IGSF21: variants seen among roughly 807,000 people sequenced by gnomAD.
The protein encoded by IGSF21 is immunoglobulin superfamily member 21.
Under a neutral mutation model 46.8 loss-of-function variants are expected in IGSF21, and 28 were observed. The ratio of observed to expected loss-of-function variants is 0.60; its 90% CI spans 0.44 to 0.82. The LOEUF (loss-of-function observed/expected upper bound fraction) is 0.82. Ranked by LOEUF, IGSF21 falls within the 40% of genes least tolerant of loss-of-function variation. The pLI is 0.00. For missense variants in IGSF21, 624 were observed against 665.5 expected (o/e 0.94, Z 0.69); for synonymous variants, 284 against 273.6 (o/e 1.04, Z -0.38).
intron 1 of IGSF21, among the ~76,000 whole-genome samples, chr1:18,160,970 G>A (rs1004870632): frequency 6.6e-6 from 1 of 152,108 alleles, no homozygotes; most frequent in African/African-American, 2.4e-5. Context: ...CCTGCATCCT[G>A]GAAGACACTG....
At chr1:18,270,334 G>A (rs569934182) in intron 2 of IGSF21, among the ~76,000 whole-genome samples, 113 of 152,260 alleles carry the variant, frequency 7.4e-4, no homozygotes, top group Admixed American at 1.1e-3. Flanking sequence ...TAATGGTTTC[G>A]TTCCCAAGCC....
At chr1:18,211,114 C>T (rs1057471194) in intron 1 of IGSF21, among the ~76,000 whole-genome samples, 6 of 152,276 alleles carry the variant, frequency 3.9e-5, no homozygotes, top group East Asian at 1.9e-4. Flanking sequence ...TCAAGTGATC[C>T]GCCCTCCTTG....
At chr1:18,122,825 C>T (rs1182828947) in intron 1 of IGSF21, among the ~76,000 whole-genome samples, 2 of 151,956 alleles carry the variant, frequency 1.3e-5, no homozygotes, top group African/African-American at 4.8e-5. Flanking sequence ...TGGGGTTTCA[C>T]CATGTTGCCT....
intron 2 of IGSF21, among the ~76,000 whole-genome samples, chr1:18,247,087 G>A (rs1161499324): frequency 1.5e-5 from 2 of 131,636 alleles, no homozygotes; most frequent in African/African-American, 5.9e-5. Flanking sequence ...GTCTTGCTCT[G>A]TCGCCCAGGC....
Position 18,273,447 on chromosome 1 carries a change from T to TC in IGSF21, c.184-18419_184-18418insC, listed in dbSNP as rs1319865362. On this transcript the variant is annotated intron_variant, in intron 2 of 9. Coordinates refer to ENST00000251296, the MANE Select transcript of IGSF21 (RefSeq NM_032880.5). ...TTCCTTTCCTTTCTTTCTTTCTCAC[T>TC]TTCTTTCTTTCTCTCTCTTTCTTTC... is the stretch of plus-strand genomic sequence containing the variant. 3.7e-4 allele frequency among the ~76,000 whole-genome samples: 37 copies of TC among 101,068 alleles called. 1 individual carries two copies. Among genetic ancestry groups the TC allele is most frequent in the Middle Eastern group, 4.5e-3 (1 of 224 alleles). The allele number at this position is 101,068 out of a possible 152,430, so 66.3% of individuals were successfully genotyped here. A position where few individuals can be genotyped will look rare whatever the true frequency, so the allele number is the denominator to read the frequency against.
rs12072354 is a variant in IGSF21, at chr1:18,124,338, C to T, written c.70+16140C>T. On this transcript the variant is annotated intron_variant, in intron 1 of 9. Coordinates refer to ENST00000251296, the MANE Select transcript of IGSF21 (RefSeq NM_032880.5). ...ACCTCACTCCTAAAATCTTTGCAAC[C>T]GCTCAGGAGGTGCATGCCACTAGTA... Among the ~76,000 whole-genome samples the T allele has an allele frequency of 4.0e-3, 615 of 152,314 alleles. 2 individuals carry two copies. Among genetic ancestry groups the T allele is most frequent in the African/African-American group, 0.014 (589 of 41,566 alleles).
Position 18,305,525 on chromosome 1 carries a change from GATTATGA to G in IGSF21, c.305+13541_305+13547del, listed in dbSNP as rs760525951. Among the ~76,000 whole-genome samples, 41 of 132,242 alleles carry G rather than the reference GATTATGA, an allele frequency of 3.1e-4. 1 individual carries two copies. Among genetic ancestry groups the G allele is most frequent in the East Asian group, 5.6e-4 (2 of 3,586 alleles). 86.8% of individuals were successfully genotyped at this position (132,242 alleles called of 152,430 possible). ...GGATGGATGGATGAATGGATGGATG[GATTATGA>G]ATGGATGGATGGATGATGGATGGAT... On this transcript the variant is annotated intron_variant, in intron 3 of 9. Coordinates refer to ENST00000251296, the MANE Select transcript of IGSF21 (RefSeq NM_032880.5).
chr1:18,141,653 C>T (rs367708457), intron 1 of IGSF21, among the ~76,000 whole-genome samples: 2 of 152,266 alleles, frequency 1.3e-5, no homozygotes, highest in African/African-American at 4.8e-5. Flanking sequence ...TTAGGCAAGT[C>T]GCTTTACCTC....
intron 1 of IGSF21, among the ~76,000 whole-genome samples, chr1:18,143,203 A>G (rs1409173063): frequency 2.0e-5 from 3 of 152,206 alleles, no homozygotes; most frequent in Non-Finnish European, 4.4e-5. Context: ...CTTGGAGTGC[A>G]GCCGTGATTT....
chr1:18,373,230 G>A (rs1199984391), intron 6 of IGSF21, among the ~76,000 whole-genome samples: 1 of 152,136 alleles, frequency 6.6e-6, no homozygotes, highest in Non-Finnish European at 1.5e-5. Flanking sequence ...GAAAGTAGAG[G>A]GCTAGGTGTC....
chr1:18,319,046 C>T (rs1383150946), intron 3 of IGSF21, among the ~76,000 whole-genome samples: 2 of 152,176 alleles, frequency 1.3e-5, no homozygotes, highest in African/African-American at 4.8e-5. Flanking sequence ...GCAACAAAAA[C>T]CCAAAGTGAG....
chr1:18,131,033 C>T (rs1430367131), intron 1 of IGSF21, among the ~76,000 whole-genome samples: 1 of 152,204 alleles, frequency 6.6e-6, no homozygotes, highest in East Asian at 1.9e-4. Flanking sequence ...AGAGCCAGGC[C>T]CGAGGGAGCT....
At chr1:18,123,680 A>T (rs1330147746) in intron 1 of IGSF21, among the ~76,000 whole-genome samples, 1 of 152,088 alleles carries the variant, frequency 6.6e-6, no homozygotes. Context: ...GGAGTTTGCC[A>T]AGTAAAGAAG....
chr1:18,192,254 A>G (rs1288448527), intron 1 of IGSF21, among the ~76,000 whole-genome samples: 1 of 152,150 alleles, frequency 6.6e-6, no homozygotes, highest in Non-Finnish European at 1.5e-5. Flanking sequence ...AGTCTTGTCT[A>G]ACACCTTCTT....
chr1:18,361,130 G>T (rs2086095852), intron 4 of IGSF21, among the ~76,000 whole-genome samples: 1 of 152,186 alleles, frequency 6.6e-6, no homozygotes, highest in Non-Finnish European at 1.5e-5. Flanking sequence ...CTGTCCAGCT[G>T]CCCCCATCCA....
At chr1:18,207,487 G>A (rs759234461) in intron 1 of IGSF21, among the ~76,000 whole-genome samples, 10 of 152,206 alleles carry the variant, frequency 6.6e-5, no homozygotes, top group South Asian at 6.2e-4. Context: ...ATCTGGGTAT[G>A]TGGAAGACTC....
intron 4 of IGSF21, among the ~76,000 whole-genome samples, chr1:18,342,490 C>A (rs1278372492): frequency 6.6e-6 from 1 of 152,188 alleles, no homozygotes; most frequent in Non-Finnish European, 1.5e-5. Flanking sequence ...TTACCATATT[C>A]ACAGAGTTGT....
At chr1:18,306,541 A>G (rs1236879577) in intron 3 of IGSF21, among the ~76,000 whole-genome samples, 1 of 152,186 alleles carries the variant, frequency 6.6e-6, no homozygotes, top group Non-Finnish European at 1.5e-5. Context: ...CCCCGAGGAT[A>G]AAGACTTGGT....
chr1:18,282,857 C>G (rs2085175835), intron 2 of IGSF21, among the ~76,000 whole-genome samples: 1 of 152,202 alleles, frequency 6.6e-6, no homozygotes, highest in South Asian at 2.1e-4. Context: ...ACATCTAAAA[C>G]TACGCATGAA....
Sources: allele counts gnomAD v4.1 joint callset (sites outside exome capture counted in the v4.1 genomes callset), GRCh38; gene constraint gnomAD v4.1.1; transcripts MANE v1.5; gene names NCBI Gene and HGNC (gene_info 2026-07-23, HGNC 2026-07-21).